Variants in SIPA1L3 observed in about 807,000 individuals in gnomAD.
SIPA1L3 encodes the protein signal induced proliferation associated 1 like 3, also known as signal-induced proliferation-associated 1-like protein 3.
Under a neutral mutation model 150.1 loss-of-function variants are expected in SIPA1L3, and 59 were observed. The observed-to-expected ratio is 0.39, with a 90% CI of 0.32 to 0.49. The LOEUF is 0.49. SIPA1L3 is among the 20% of genes least tolerant of loss of function. SIPA1L3 has a pLI of 0.86. For missense variants in SIPA1L3, 2,211 were observed against 2,489.5 expected (o/e 0.89, Z 2.38); for synonymous variants, 1,070 against 1,077.6 (o/e 0.99, Z 0.14).
At chr19:38,198,251 G>A (rs918896468) in intron 18 of SIPA1L3, 138 bp from the exon 19 acceptor site, 9 of 1,012,228 alleles carry the variant, frequency 8.9e-6, no homozygotes, top group African/African-American at 1.7e-5. Flanking sequence ...GTAGGCTCCA[G>A]CACTCCCAGA....
chr19:38,046,104 C>T lies in SIPA1L3; in HGVS notation c.-311+16948C>T, dbSNP rs1166897289. 2.6e-5 allele frequency among the ~76,000 whole-genome samples: 4 copies of T among 152,128 alleles called. No homozygotes were observed. The highest frequency in any genetic ancestry group is 2.1e-4 in the South Asian group (1 of 4,824). On this transcript the variant is annotated intron_variant, in intron 2 of 21. Transcript: ENST00000222345. The surrounding 1 kb of genome is among the most constrained non-coding windows in gnomAD (Gnocchi z 5.6). ...ACTGTGATTCCTTGAAGCTTTTTGC[C>T]GTCATCTGGCCACTCAGTCGGCGGG...
chr19:37,974,748 A>T (rs965032153), intron 1 of SIPA1L3, among the ~76,000 whole-genome samples: 1 of 152,122 alleles, frequency 6.6e-6, no homozygotes, highest in Non-Finnish European at 1.5e-5. Flanking sequence ...CCTCTGTTCT[A>T]ACACCCAGTG....
chr19:38,085,410 G>A lies in SIPA1L3; in HGVS notation c.1534+2311G>A, dbSNP rs148363285. On this transcript the variant is annotated intron_variant, in intron 3 of 21. Transcript: ENST00000222345. The stretch of plus-strand genomic sequence containing the variant: ...CAGGAGAATGGCATGAACCCGGGAG[G>A]CAGAGCTTGCAGTGAGCCGAGATCG... 1.7e-4 allele frequency among the ~76,000 whole-genome samples: 26 copies of A among 150,448 alleles called. No homozygotes were observed. In the East Asian group the frequency reaches 4.7e-3, roughly 27 times the overall value.
In SIPA1L3 at chr19:38,192,234, A is replaced by G. The variant is rs141409969; in HGVS notation, c.4520A>G (p.Lys1507Arg). The G allele has an allele frequency of 1.5e-5, 24 of 1,613,522 alleles. No individual in the cohort carries two copies. In the African/African-American group the frequency reaches 1.7e-4, roughly 12 times the overall value. Residue 1507 changes from lysine (K) to arginine (R), a missense_variant, in exon 17 of 22, where the codon AAA becomes AGA. This residue lies in a region of SIPA1L3 where 806 missense variants were observed against 870.1 expected (regional missense o/e 0.93). Coordinates refer to ENST00000222345, the MANE Select transcript of SIPA1L3 (RefSeq NM_015073.3). ...CTCCGGTCACCACGGAAGAACTACAAATCCACCATCGAGGATGACCTGAAG... is the reference window on the plus strand; with the variant it reads ...CTCCGGTCACCACGGAAGAACTACAGATCCACCATCGAGGATGACCTGAAG... ...RDLRSPRKNY[K>R]STIEDDLKKL...
intron 2 of SIPA1L3, among the ~76,000 whole-genome samples, chr19:38,065,903 T>TTATTTATTTATG (rs1969569409): frequency 2.0e-5 from 2 of 99,302 alleles, no homozygotes. Context: ...GTTTGATCTC[T>TTATTTATTTATG]TATTTATTTA....
At chr19:38,002,095 G>A (rs939751512) in intron 1 of SIPA1L3, among the ~76,000 whole-genome samples, 6 of 152,196 alleles carry the variant, frequency 3.9e-5, no homozygotes, top group African/African-American at 1.4e-4. Flanking sequence ...GTGCAGTTCA[G>A]TGGCATTCAG....
At chr19:37,939,131 A>G (rs559260717) in intron 1 of SIPA1L3, among the ~76,000 whole-genome samples, 14 of 152,278 alleles carry the variant, frequency 9.2e-5, no homozygotes, top group African/African-American at 2.9e-4. Context: ...TCTTTGAAAC[A>G]GTCCTCAACT....
At chr19:38,158,866 T>C (rs941262789) in intron 13 of SIPA1L3, among the ~76,000 whole-genome samples, 1 of 152,188 alleles carries the variant, frequency 6.6e-6, no homozygotes, top group African/African-American at 2.4e-5. Context: ...AGGTGCCTGA[T>C]AGATACCCAA....
At chr19:38,005,113 G>C (rs1438548237) in intron 1 of SIPA1L3, among the ~76,000 whole-genome samples, 1 of 150,678 alleles carries the variant, frequency 6.6e-6, no homozygotes, top group Non-Finnish European at 1.5e-5. Flanking sequence ...CGGCCAATCA[G>C]CTACAGGCAG....
chr19:37,961,256 G>T (rs1045532651), intron 1 of SIPA1L3, among the ~76,000 whole-genome samples: 1 of 151,536 alleles, frequency 6.6e-6, no homozygotes, highest in African/African-American at 2.4e-5. Flanking sequence ...CTGGCCTCAA[G>T]TTATCTTCGT....
intron 15 of SIPA1L3, among the ~76,000 whole-genome samples, chr19:38,180,547 T>C (rs1257545779): frequency 6.6e-6 from 1 of 150,900 alleles, no homozygotes; most frequent in Non-Finnish European, 1.5e-5. Flanking sequence ...CTTTTTTTTT[T>C]TTTTTTTGAG....
In SIPA1L3 at chr19:37,963,474, C is replaced by T. The variant is rs902511800; in HGVS notation, c.-379+56116C>T. On this transcript the variant is annotated intron_variant, in intron 1 of 21. Transcript: ENST00000222345. ...ACCACAGTCTAGCTGTGATGTTGGT[C>T]TTCCCCATTTGTTTGGCACTAGGCC... 6.6e-5 allele frequency among the ~76,000 whole-genome samples: 10 copies of T among 152,356 alleles called. No individual in the cohort carries two copies. In the South Asian group the frequency reaches 8.3e-4, roughly 13 times the overall value.
intron 1 of SIPA1L3, among the ~76,000 whole-genome samples, chr19:38,016,886 C>CTTTTTTTTTTTTT (rs58459050): frequency 7.2e-5 from 5 of 69,106 alleles, no homozygotes; most frequent in African/African-American, 3.3e-4. Flanking sequence ...CCTCCTCTGG[C>CTTTTTTTTTTTTT]TTTTTTTTTT....
rs527302888 is a variant in SIPA1L3 at position 37,927,942 on chromosome 19, C to T, written c.-379+20584C>T. ...TGTACCACATTATCTTTGTCCAGTC[C>T]GCTGTTGATGGGCATCCGGGTTGAT... is the stretch of plus-strand genomic sequence containing the variant. On this transcript the variant is annotated intron_variant, in intron 1 of 21. Transcript: ENST00000222345. 8.7e-4 allele frequency among the ~76,000 whole-genome samples: 133 copies of T among 152,064 alleles called. 2 individuals carry two copies. In the South Asian group the frequency reaches 0.014, roughly 15 times the overall value.
At chr19:38,154,952 G>T (rs898480068) in intron 13 of SIPA1L3, among the ~76,000 whole-genome samples, 1 of 151,866 alleles carries the variant, frequency 6.6e-6, no homozygotes, top group Non-Finnish European at 1.5e-5. Context: ...ATAGAGACAG[G>T]GTTTCAACAT....
intron 13 of SIPA1L3, among the ~76,000 whole-genome samples, chr19:38,160,768 A>C (rs1231394082): frequency 6.6e-6 from 1 of 152,092 alleles, no homozygotes; most frequent in Non-Finnish European, 1.5e-5. Flanking sequence ...CACCAGTAGC[A>C]CTCTCTGTCC....
chr19:37,968,850 A>T (rs2046928117), intron 1 of SIPA1L3, among the ~76,000 whole-genome samples: 1 of 152,194 alleles, frequency 6.6e-6, no homozygotes, highest in African/African-American at 2.4e-5. Context: ...GGCTTGGGTC[A>T]TGTGTCCAGC....
chr19:38,088,685 C>T (rs369560304), intron 3 of SIPA1L3, 36 bp from the exon 4 acceptor site: 98 of 1,605,292 alleles, frequency 6.1e-5, no homozygotes, highest in African/African-American at 2.7e-5. Flanking sequence ...CCTTCCCAGA[C>T]AGCTGAGCCT....
chr19:38,188,182 G>T lies in SIPA1L3; in HGVS notation c.4431-3963G>T, dbSNP rs111445513. 4.1e-3 allele frequency among the ~76,000 whole-genome samples: 621 copies of T among 150,976 alleles called. 3 individuals carry two copies. The highest frequency in any genetic ancestry group is 0.014 in the African/African-American group (564 of 41,080). On this transcript the variant is annotated intron_variant, in intron 16 of 21. Transcript: ENST00000222345. ...TAGATTAAACATGTTTTGTTGTTGT[G>T]GTGGTGGTGGTGGTGGTGGTGGTGA...
Sources: allele counts gnomAD v4.1 joint callset (sites outside exome capture counted in the v4.1 genomes callset), GRCh38; gene constraint gnomAD v4.1.1; regional missense constraint gnomAD v4.1.1; non-coding constraint Gnocchi (gnomAD v3.1); transcripts MANE v1.5; gene names NCBI Gene and HGNC (gene_info 2026-07-23, HGNC 2026-07-21).